The following TAFA2 variants were observed in gnomAD, a reference collection of about 807,000 sequenced individuals.
TAFA2 encodes TAFA chemokine like family member 2, also known as chemokine-like protein TAFA-2.
In TAFA2, 7 loss-of-function variants were observed where a neutral mutation model predicts 18.8. The observed-to-expected ratio is 0.37, with a 90% confidence interval of 0.21 to 0.70. The LOEUF is 0.70. Ranked by LOEUF, TAFA2 falls within the 30% of genes least tolerant of loss-of-function variation. The pLI is 0.53. For missense variants in TAFA2, 122 were observed against 158.1 expected, an observed-to-expected ratio of 0.77 and a Z score of 1.23; for synonymous variants, 60 against 54.2, an observed-to-expected ratio of 1.11 and a Z score of -0.47.
intron 1 of TAFA2, among the ~76,000 whole-genome samples, chr12:62,180,421 A>G (rs1008252800): frequency 3.3e-5 from 5 of 152,200 alleles, no homozygotes; most frequent in Non-Finnish European, 7.3e-5. Flanking sequence ...AAGACTAAAG[A>G]CATCATATTC....
chr12:61,903,551 T>A (rs926112701), intron 1 of TAFA2, among the ~76,000 whole-genome samples: 1 of 152,144 alleles, frequency 6.6e-6, no homozygotes, highest in African/African-American at 2.4e-5. Context: ...ATGTACTGAG[T>A]CTAGAACACT....
At chr12:62,137,778 C>T (rs556191169) in intron 1 of TAFA2, among the ~76,000 whole-genome samples, 1 of 152,194 alleles carries the variant, frequency 6.6e-6, no homozygotes, top group East Asian at 1.9e-4. Context: ...AACACAGCAG[C>T]CAAAGTGATG....
At chr12:62,250,857 G>C (rs2062910060) in intron 1 of TAFA2, among the ~76,000 whole-genome samples, 1 of 152,098 alleles carries the variant, frequency 6.6e-6, no homozygotes, top group African/African-American at 2.4e-5. Flanking sequence ...TTTGCAACGA[G>C]AACATGACTC....
chr12:61,992,147 A>T (rs1270015682), intron 1 of TAFA2, among the ~76,000 whole-genome samples: 1 of 152,194 alleles, frequency 6.6e-6, no homozygotes, highest in South Asian at 2.1e-4. Flanking sequence ...GTATTTGCAG[A>T]TCATTCCTAC....
rs900792125 is a variant in TAFA2 at position 62,206,072 on chromosome 12, G to A, written c.-130+52691C>T. 9.9e-5 allele frequency among the ~76,000 whole-genome samples: 15 copies of A among 152,230 alleles called. 1 individual carries two copies. The highest frequency in any genetic ancestry group is 8.3e-4 in the South Asian group (4 of 4,822). On this transcript the variant is annotated intron_variant, in intron 1 of 5. Transcript: ENST00000551619. ...AACCGCCTAGTCAGTCCGAATGAGA[G>A]AACCTGGATACCTCATTTGCCGGTG...
intron 1 of TAFA2, among the ~76,000 whole-genome samples, chr12:62,039,780 G>A (rs79919992): frequency 6.6e-6 from 1 of 152,092 alleles, no homozygotes; most frequent in South Asian, 2.1e-4. Flanking sequence ...GCAGATACCC[G>A]ATCAAATTCA....
chr12:61,849,047 T>C (rs888051751), intron 2 of TAFA2, among the ~76,000 whole-genome samples: 8 of 152,136 alleles, frequency 5.3e-5, no homozygotes, highest in African/African-American at 1.7e-4. Context: ...TTTCACCATG[T>C]TGGCCAGGCT....
chr12:61,956,076 G>A (rs61941013), intron 1 of TAFA2, among the ~76,000 whole-genome samples: 25,703 of 151,920 alleles, frequency 0.17, 2,257 homozygotes, highest in East Asian at 0.19. Flanking sequence ...TCCCACAAAT[G>A]TATGCATACT....
intron 1 of TAFA2, among the ~76,000 whole-genome samples, chr12:62,011,032 C>A (rs1592547741): frequency 7.0e-6 from 1 of 142,302 alleles, no homozygotes; most frequent in Non-Finnish European, 1.5e-5. Context: ...CCCGGCCACC[C>A]CATCTGGGAG....
At chr12:62,087,653 G>C (rs559327093) in intron 1 of TAFA2, among the ~76,000 whole-genome samples, 24 of 152,140 alleles carry the variant, frequency 1.6e-4, no homozygotes, top group Non-Finnish European at 2.4e-4. Context: ...AGATGTGGTA[G>C]GCCAGGGAAG....
chr12:62,216,669 C>T (rs1394410984), intron 1 of TAFA2, among the ~76,000 whole-genome samples: 2 of 152,154 alleles, frequency 1.3e-5, no homozygotes, highest in South Asian at 2.1e-4. Context: ...CTGAAAAACG[C>T]TTTATTTTCC....
chr12:61,823,876 G>A (rs1337998576), intron 2 of TAFA2, among the ~76,000 whole-genome samples: 1 of 152,038 alleles, frequency 6.6e-6, no homozygotes, highest in Non-Finnish European at 1.5e-5. Flanking sequence ...AGTCTTTGTG[G>A]GGAGACTTTA....
chr12:61,824,394 A>G (rs1222509157), intron 2 of TAFA2, among the ~76,000 whole-genome samples: 2 of 152,196 alleles, frequency 1.3e-5, no homozygotes, highest in East Asian at 3.8e-4. Context: ...GTAAGTTGCT[A>G]TATGGCAATA....
At chr12:62,068,801 C>G (rs753668848) in intron 1 of TAFA2, among the ~76,000 whole-genome samples, 2 of 152,094 alleles carry the variant, frequency 1.3e-5, no homozygotes, top group Admixed American at 6.6e-5. Context: ...TAAGAACAAA[C>G]AGACTACATG....
chr12:61,839,656 C>G (rs762936104), intron 2 of TAFA2, among the ~76,000 whole-genome samples: 1 of 151,904 alleles, frequency 6.6e-6, no homozygotes, highest in Non-Finnish European at 1.5e-5. Flanking sequence ...AACAGAAAAC[C>G]AAATACAGCA....
chr12:61,862,760 G>A (rs995457180), intron 2 of TAFA2, among the ~76,000 whole-genome samples: 1 of 152,040 alleles, frequency 6.6e-6, no homozygotes, highest in Non-Finnish European at 1.5e-5. Context: ...TCCTTTCCCT[G>A]AATACTCCAC....
intron 1 of TAFA2, among the ~76,000 whole-genome samples, chr12:62,159,250 A>G (rs901135793): frequency 2.0e-5 from 3 of 152,202 alleles, no homozygotes; most frequent in Admixed American, 2.0e-4. Flanking sequence ...GAGAGAATAA[A>G]ACAAACACAA....
chr12:61,939,764 A>T (rs2121417418), intron 1 of TAFA2, among the ~76,000 whole-genome samples: 1 of 152,336 alleles, frequency 6.6e-6, no homozygotes, highest in South Asian at 2.1e-4. Context: ...TTTTCTTTTC[A>T]CCCACTCAAA....
chr12:62,072,533 C>A (rs535733797), intron 1 of TAFA2, among the ~76,000 whole-genome samples: 1 of 152,138 alleles, frequency 6.6e-6, no homozygotes, highest in African/African-American at 2.4e-5. Flanking sequence ...GTAATTCCAG[C>A]ACTTTGGGAG....
Sources: allele counts gnomAD v4.1 joint callset (sites outside exome capture counted in the v4.1 genomes callset), GRCh38; gene constraint gnomAD v4.1.1; transcripts MANE v1.5; gene names NCBI Gene and HGNC (gene_info 2026-07-23, HGNC 2026-07-21).